C3: variants seen among roughly 807,000 people sequenced by gnomAD.
The protein encoded by C3 is complement C3.
C3 carries 97 observed loss-of-function variants against 207.9 expected under a neutral mutation model. The observed-to-expected ratio is 0.47, with a 90% CI of 0.40 to 0.55. The LOEUF is 0.55. Ranked by LOEUF, C3 falls within the 20% of genes least tolerant of loss-of-function variation. The pLI is 0.00. For synonymous variants in C3, 848 were observed against 857.6 expected (o/e 0.99, Z 0.20); for missense variants, 1,684 against 2,171.7 (o/e 0.78, Z 4.46).
In C3 at chr19:6,714,930, G is replaced by C. The variant is rs1465841444; in HGVS notation, c.505-484C>G. Among the ~76,000 whole-genome samples the C allele has an allele frequency of 2.6e-5, 4 of 152,130 alleles. No individual in the cohort carries two copies. In the South Asian group the frequency reaches 8.3e-4, roughly 31 times the overall value. The stretch of plus-strand genomic sequence containing the variant: ...ATCTCTACTGTGCCACTTACAAGCT[G>C]TGTGACCCTGGGCAAGTTACCTAAC... On this transcript the variant is annotated intron_variant, in intron 4 of 40. Coordinates refer to ENST00000245907, the MANE Select transcript of C3 (RefSeq NM_000064.4).
At position 6,693,494 on chromosome 19, in the gene C3, A is replaced by G. The variant is rs1323236495; in HGVS notation, c.3155-7T>C. On this transcript the variant is annotated splice_region_variant and splice_polypyrimidine_tract_variant and intron_variant, in intron 24 of 40. Transcript: ENST00000245907. ...GCCAGCTGCTGGGTGTACCCTGCAG[A>G]GAAGAGAGAGGAACCCCCAAAAGAG... 13 of 1,610,178 alleles carry G rather than the reference A, an allele frequency of 8.1e-6. No individual in the cohort carries two copies. Among genetic ancestry groups the G allele is most frequent in the Non-Finnish European group, 8.5e-6 (10 of 1,178,712 alleles).
intron 27 of C3, among the ~76,000 whole-genome samples, chr19:6,687,347 AGTCATCATCATCATC>A (rs768953455): frequency 6.6e-6 from 1 of 152,216 alleles, no homozygotes; most frequent in Non-Finnish European, 1.5e-5. Context: ...CACCTCATCC[AGTCATCATCATCATC>A]GTCATCATCA....
chr19:6,707,072 C>G lies in C3; in HGVS notation c.2245+4G>C. ...TCCCCCTGTCCCCACCCCGTGGGACCTACTCCTGGCCAGGCCCAGGTGGCT... is the reference window on the plus strand; with the variant it reads ...TCCCCCTGTCCCCACCCCGTGGGACGTACTCCTGGCCAGGCCCAGGTGGCT... On this transcript the variant is annotated splice_donor_region_variant and intron_variant, in intron 17 of 40. Coordinates refer to ENST00000245907, the MANE Select transcript of C3 (RefSeq NM_000064.4). The G allele has an allele frequency of 6.2e-7, 1 of 1,609,924 alleles. No individual in the cohort carries two copies. Among genetic ancestry groups the G allele is most frequent in the Non-Finnish European group, 8.5e-7 (1 of 1,179,328 alleles).
intron 29 of C3, 23 bp downstream of exon 29, chr19:6,686,101 C>G: frequency 1.2e-6 from 2 of 1,613,268 alleles, no homozygotes; most frequent in Non-Finnish European, 1.7e-6. Flanking sequence ...ATGCATGTGC[C>G]TAGGGGCTGT....
chr19:6,686,469 T>C, intron 28 of C3, 182 bp from the exon 29 acceptor site: 1 of 729,110 alleles, frequency 1.4e-6, no homozygotes, highest in Non-Finnish European at 2.4e-6. Flanking sequence ...CTCTCACTTC[T>C]CCCTTTGAAA....
At chr19:6,705,968 C>G (rs182694302) in intron 17 of C3, among the ~76,000 whole-genome samples, 1 of 152,280 alleles carries the variant, frequency 6.6e-6, no homozygotes, top group East Asian at 1.9e-4. Context: ...GCCACCATGC[C>G]CGGCCAATTT....
rs1328009208 is a variant in C3, at chr19:6,688,824, AC to A, written c.3489+1804del. 3.3e-5 allele frequency among the ~76,000 whole-genome samples: 5 copies of A among 152,024 alleles called. No homozygotes were observed. The East Asian group carries it at 9.6e-4, about 29-fold the overall frequency. On this transcript the variant is annotated intron_variant, in intron 27 of 40. Transcript: ENST00000245907. Reference sequence around the variant, plus strand: ...TCTTCTCCCTTCCATTCACGTGGCCACAGTGGAAACAGCCATGTCTGCCCCC... The same window carrying A: ...TCTTCTCCCTTCCATTCACGTGGCCAAGTGGAAACAGCCATGTCTGCCCCC...
intron 23 of C3, 138 bp from the exon 24 acceptor site, chr19:6,694,772 C>T (rs555014184): frequency 6.8e-6 from 5 of 734,234 alleles, no homozygotes; most frequent in Admixed American, 5.2e-5. Flanking sequence ...GATGTGACTG[C>T]GGGGAGGGGA....
In C3 at chr19:6,712,479, G is replaced by A. The variant is rs1420667820; in HGVS notation, c.1119+29C>T. On this transcript the variant is annotated intron_variant, in intron 10 of 40. Transcript: ENST00000245907. ...GTGGCCGGTGTCCCCGAAGGGAGGA[G>A]TGGGACCCCTTCCCGCCCCGGGTCT... The A allele has an allele frequency of 3.1e-6, 5 of 1,613,788 alleles. No homozygotes were observed. In the East Asian group the frequency reaches 6.7e-5, roughly 22 times the overall value.
intron 33 of C3, 187 bp downstream of exon 33, chr19:6,684,201 G>A: frequency 1.4e-6 from 1 of 696,566 alleles, no homozygotes; most frequent in South Asian, 1.5e-5. Context: ...CGTGGTCATT[G>A]CTGTGGTCTC....
chr19:6,697,053 C>CAAAAAAAAAAAAAAA (rs1967552583), intron 21 of C3, among the ~76,000 whole-genome samples: 1 of 114,136 alleles, frequency 8.8e-6, no homozygotes, highest in Admixed American at 1.0e-4. Flanking sequence ...AAAAAATAAA[C>CAAAAAAAAAAAAAAA]AAACAAATAA....
At position 6,685,028 on chromosome 19, in the gene C3, C is replaced by T. The variant is rs777906922; in HGVS notation, c.3929G>A (p.Arg1310His). 5.6e-6 allele frequency: 9 copies of T among 1,613,868 alleles called. No homozygotes were observed. Among genetic ancestry groups the T allele is most frequent in the South Asian group, 1.1e-5 (1 of 91,052 alleles). ...LPSRSSKITH[R>H]IHWESASLLR... ...GAGGCTGGCAGATTCCCAGTGGATACGGTGGGTGATCTTGGAGCTGCGGCT... is the reference window on the plus strand; with the variant it reads ...GAGGCTGGCAGATTCCCAGTGGATATGGTGGGTGATCTTGGAGCTGCGGCT... The change falls in exon 30 of 41, where the codon CGT (arginine) becomes CAT (histidine). Residue 1310 changes from arginine (R) to histidine (H), a missense_variant. Arg to His is a conservative substitution (Grantham distance 29). Transcript: ENST00000245907.
At chr19:6,698,394 C>G (rs1021379239) in intron 19 of C3, among the ~76,000 whole-genome samples, 1 of 151,900 alleles carries the variant, frequency 6.6e-6, no homozygotes, top group African/African-American at 2.4e-5. Flanking sequence ...GAGAAATCTC[C>G]AAAATATATC....
chr19:6,681,407 G>T (rs894582451), intron 35 of C3, among the ~76,000 whole-genome samples: 2 of 151,340 alleles, frequency 1.3e-5, no homozygotes, highest in African/African-American at 4.9e-5. Flanking sequence ...TTAGCTGGGT[G>T]CAGTGTCGCA....
Position 6,686,808 on chromosome 19 carries a change from G to C in C3, c.3584C>G (p.Ala1195Gly). 6.2e-7 allele frequency: 1 copy of C among 1,614,210 alleles called. No individual in the cohort carries two copies. The highest frequency in any genetic ancestry group is 8.5e-7 in the Non-Finnish European group (1 of 1,180,028). Reference sequence around the variant, plus strand: ...CTTCAGCCTGCCCATCTGGGCCAGAGCATAGCCAGCAATGGCCACAGTGTA... The same window carrying C: ...CTTCAGCCTGCCCATCTGGGCCAGACCATAGCCAGCAATGGCCACAGTGTA... ...RSYTVAIAGY[A>G]LAQMGRLKGP... Residue 1195 changes from alanine (A) to glycine (G), a missense_variant, in exon 28 of 41, where the codon GCT becomes GGT. Around this residue, in one of 3 missense-constraint regions of C3, gnomAD observed 1,280 missense variants for 1,739.1 expected, o/e 0.74. Transcript: ENST00000245907.
Position 6,709,783 on chromosome 19 carries a change from G to A in C3, c.1746C>T (p.Thr582=), listed in dbSNP as rs1285176336. The A allele has an allele frequency of 1.9e-6, 3 of 1,613,950 alleles. No homozygotes were observed. Among genetic ancestry groups the A allele is most frequent in the Non-Finnish European group, 1.7e-6 (2 of 1,180,026 alleles). ...CCCCGTGGTCACCCTCTATCTTCAG[G>A]GTCATCTGCTGCCCAGGTACAGGCT... is the stretch of plus-strand genomic sequence containing the variant. The part of the protein sequence containing the change: ...DRQPVPGQQM[T]LKIEGDHGAR... The change falls in exon 14 of 41, where the codon ACC becomes ACT. Residue 582 remains threonine, a synonymous_variant. Coordinates refer to ENST00000245907, the MANE Select transcript of C3 (RefSeq NM_000064.4).
intron 21 of C3, 119 bp downstream of exon 21, chr19:6,697,225 T>C: frequency 2.5e-6 from 2 of 802,396 alleles, no homozygotes; most frequent in South Asian, 2.9e-5. Flanking sequence ...CCAAATTTCC[T>C]AAGCTGGACA....
chr19:6,697,643 G>A lies in C3; in HGVS notation c.2583+9C>T, dbSNP rs372400121. The A allele has an allele frequency of 1.7e-5, 28 of 1,613,914 alleles. No homozygotes were observed. The highest frequency in any genetic ancestry group is 6.6e-5 in the South Asian group (6 of 91,060). Reference sequence around the variant, plus strand: ...GCCTCCAAGAAGCCTCTGCCACCCCGGGACCCACCTTGAGCTCTTGGTTCT... The same window carrying A: ...GCCTCCAAGAAGCCTCTGCCACCCCAGGACCCACCTTGAGCTCTTGGTTCT... On this transcript the variant is annotated intron_variant, in intron 20 of 40. Coordinates refer to ENST00000245907, the MANE Select transcript of C3 (RefSeq NM_000064.4).
At chr19:6,713,693 CACATGGTCCCACCTCCAGCCCCT>C in intron 7 of C3, 184 bp from the exon 8 acceptor site, 1 of 547,362 alleles carries the variant, frequency 1.8e-6, no homozygotes, top group Non-Finnish European at 3.3e-6. Flanking sequence ...TCCCACCCCC[CACATGGTCCCACCTCCAGCCCCT>C]CACCTGGCCC....
Sources: allele counts gnomAD v4.1 joint callset (sites outside exome capture counted in the v4.1 genomes callset), GRCh38; gene constraint gnomAD v4.1.1; regional missense constraint gnomAD v4.1.1; transcripts MANE v1.5; gene names NCBI Gene and HGNC (gene_info 2026-07-23, HGNC 2026-07-21).